The following WIZ variants were observed in gnomAD, a reference collection of about 807,000 sequenced individuals.
The protein encoded by WIZ is WIZ zinc finger.
Under a neutral mutation model 140.2 loss-of-function variants are expected in WIZ, and 25 were observed. The ratio of observed to expected loss-of-function variants is 0.18; its 90% CI spans 0.13 to 0.25. The LOEUF (loss-of-function observed/expected upper bound fraction) is 0.25. WIZ is among the 10% of genes least tolerant of loss of function. The pLI, the probability that WIZ is intolerant of heterozygous loss-of-function variation, is 1.00. For synonymous variants in WIZ, 1,125 were observed against 1,154.3 expected, an observed-to-expected ratio of 0.97 and a Z score of 0.51; for missense variants, 2,231 against 2,632.6, an observed-to-expected ratio of 0.85 and a Z score of 3.34.
At chr19:15,432,584 T>C (rs1969332951) in intron 5 of WIZ, 1 of 409,304 alleles carries the variant, frequency 2.4e-6, no homozygotes, top group Non-Finnish European at 3.2e-6. Context: ...GGGCCCGGGC[T>C]CGGGGGGCTG....
intron 2 of WIZ, among the ~76,000 whole-genome samples, chr19:15,447,620 G>T (rs896516910): frequency 1.2e-4 from 18 of 152,152 alleles, no homozygotes; most frequent in African/African-American, 4.1e-4. Context: ...ATACCTTTTT[G>T]CTGGGTAAAC....
Position 15,442,937 on chromosome 19 carries a change from C to T in WIZ, c.206-189G>A, listed in dbSNP as rs1466684486. ...GGTTTCTTTGGAAGAGTCCCCTTGG[C>T]TCTCCTGGGGGACCCCAGGGCCTTG... On this transcript the variant is annotated intron_variant, in intron 2 of 12. Coordinates refer to ENST00000673675, the MANE Select transcript of WIZ (RefSeq NM_001371589.1). This position sits in a 1 kb window ranked among gnomAD's most constrained non-coding sequence, Gnocchi z 5.5. Among the ~76,000 whole-genome samples the T allele has an allele frequency of 6.6e-6, 1 of 152,058 alleles. No homozygotes were observed. Among genetic ancestry groups the T allele is most frequent in the Admixed American group, 6.5e-5 (1 of 15,272 alleles).
rs1160774661 is a variant in WIZ at position 15,439,165 on chromosome 19, C to T, written c.1829G>A (p.Arg610Lys). 2.0e-6 allele frequency: 3 copies of T among 1,532,336 alleles called. No individual in the cohort carries two copies. The highest frequency in any genetic ancestry group is 2.6e-6 in the Non-Finnish European group (3 of 1,144,636). 94.9% of individuals were successfully genotyped at this position (1,532,336 alleles called of 1,614,324 possible). The change falls in exon 4 of 13, where the codon AGG becomes AAG. Residue 610 changes from arginine to lysine, a missense_variant. Physicochemically the swap from Arg to Lys is conservative, Grantham distance 26. Coordinates refer to ENST00000673675, the MANE Select transcript of WIZ (RefSeq NM_001371589.1). This position sits in a 1 kb window ranked among gnomAD's most constrained non-coding sequence, Gnocchi z 7.0. ...CTCCTCCTCTTCGCTCCAAGGGCGCCTCCGTTCCCCCAGCCCTTGTGGGTG... is the reference window on the plus strand; with the variant it reads ...CTCCTCCTCTTCGCTCCAAGGGCGCTTCCGTTCCCCCAGCCCTTGTGGGTG... Reference protein sequence around the residue: ...TVHPQGLGERRRPWSEEEEEE... With the variant: ...TVHPQGLGERKRPWSEEEEEE...
At chr19:15,431,977 C>T (rs536272064) in intron 5 of WIZ, among the ~76,000 whole-genome samples, 1 of 152,282 alleles carries the variant, frequency 6.6e-6, no homozygotes, top group South Asian at 2.1e-4. Flanking sequence ...CAAATGGGGC[C>T]TTGGAGGCGT....
Position 15,424,238 on chromosome 19 carries a change from G to A in WIZ, c.5455C>T (p.Pro1819Ser), listed in dbSNP as rs1370629960. The A allele has an allele frequency of 2.5e-6, 4 of 1,583,950 alleles. No homozygotes were observed. The highest frequency in any genetic ancestry group is 3.4e-6 in the Non-Finnish European group (4 of 1,167,944). Residue 1819 changes from proline to serine, a missense_variant, in exon 12 of 13, where the codon CCC becomes TCC. Physicochemically the swap from Pro to Ser is moderately conservative, Grantham distance 74. Coordinates refer to ENST00000673675, the MANE Select transcript of WIZ (RefSeq NM_001371589.1). The surrounding 1 kb of genome is among the most constrained non-coding windows in gnomAD (Gnocchi z 9.7). ...VRPVPSLVPRPPQTSLVKFVG... is the reference protein window; with the variant it reads ...VRPVPSLVPRSPQTSLVKFVG... The stretch of plus-strand genomic sequence containing the variant: ...AACTTGACAAGTGATGTCTGGGGGG[G>A]CCGGGGCACCAGGGAGGGGACTGGC...
At chr19:15,432,357 G>C (rs538798854) in intron 5 of WIZ, 17 of 846,470 alleles carry the variant, frequency 2.0e-5, no homozygotes, top group Non-Finnish European at 2.4e-5. Flanking sequence ...CTGGACGGAA[G>C]GCGTCGGGGG....
At chr19:15,426,689 C>T (rs1186143321) in intron 9 of WIZ, among the ~76,000 whole-genome samples, 1 of 152,222 alleles carries the variant, frequency 6.6e-6, no homozygotes, top group African/African-American at 2.4e-5. Context: ...CAGTCTTTCT[C>T]CCTAGGAGTC....
In WIZ at chr19:15,420,639, G is replaced by C. The variant is rs1197548867; in HGVS notation, c.*2437C>G. 1 of 152,248 alleles carries C rather than the reference G, an allele frequency of 6.6e-6. No individual in the cohort carries two copies. Among genetic ancestry groups the C allele is most frequent in the East Asian group, 1.9e-4 (1 of 5,198 alleles). The allele number at this position is 152,248 out of a possible 1,614,324, so 9.4% of individuals were successfully genotyped here. ...GGTGTATTGAAGTGGCTTGAGCAGA[G>C]AAGAGCAATGCTCAGAAAGTTTTAG... On this transcript the variant is annotated 3_prime_UTR_variant, in exon 13 of 13. Transcript: ENST00000673675.
chr19:15,430,472 C>T (rs570462443), intron 6 of WIZ, among the ~76,000 whole-genome samples: 1 of 152,344 alleles, frequency 6.6e-6, no homozygotes, highest in South Asian at 2.1e-4. Flanking sequence ...CCCTCTGTGG[C>T]TCAACTCCTG....
In WIZ at chr19:15,429,877, A is replaced by G; in HGVS notation, c.3124T>C (p.Ser1042Pro). ...GCCCCGGCGACCACCTCCTTCAGTG[A>G]GCTGGACTTCTTAGCCAGGCCTGGG... Reference protein sequence around the residue: ...LPPGLAKKSSSLKEVVAGAPR... With the variant: ...LPPGLAKKSSPLKEVVAGAPR... Residue 1042 changes from serine to proline, a missense_variant, in exon 7 of 13, where the codon TCA becomes CCA. Coordinates refer to ENST00000673675, the MANE Select transcript of WIZ (RefSeq NM_001371589.1). 1.3e-6 allele frequency: 2 copies of G among 1,535,330 alleles called. No homozygotes were observed. Among genetic ancestry groups the G allele is most frequent in the Non-Finnish European group, 1.7e-6 (2 of 1,146,456 alleles).
At position 15,439,226 on chromosome 19, in the gene WIZ, A is replaced by G. The variant is rs1321227392; in HGVS notation, c.1768T>C (p.Tyr590His). The G allele has an allele frequency of 1.3e-6, 2 of 1,535,532 alleles. No individual in the cohort carries two copies. The highest frequency in any genetic ancestry group is 1.7e-6 in the Non-Finnish European group (2 of 1,146,642). ...AFPSTLASTP[Y>H]SLQLGRNKST... ...TTGTTTCTCCCGAGCTGTAAGGAGT[A>G]GGGGGTGGATGCTAGTGTGGAGGGA... Residue 590 changes from tyrosine to histidine, a missense_variant, in exon 4 of 13, where the codon TAC becomes CAC. Tyr to His is a moderately conservative substitution (Grantham distance 83, BLOSUM62 2). Coordinates refer to ENST00000673675, the MANE Select transcript of WIZ (RefSeq NM_001371589.1). This position sits in a 1 kb window ranked among gnomAD's most constrained non-coding sequence, Gnocchi z 7.0.
In WIZ at chr19:15,440,133, C is replaced by G; in HGVS notation, c.861G>C (p.Gly287=). 2 of 1,533,226 alleles carry G rather than the reference C, an allele frequency of 1.3e-6. No individual in the cohort carries two copies. The highest frequency in any genetic ancestry group is 1.7e-6 in the Non-Finnish European group (2 of 1,145,530). The allele number at this position is 1,533,226 out of a possible 1,614,324, so 95.0% of individuals were successfully genotyped here. ...LQPLLPPIRT[G]PYLCELLEEV... is the part of the protein sequence containing the mutation. ...CCTCCAGCAGCTCACACAGGTAGGG[C>G]CCGGTCCGGATCGGGGGCAGTAGCG... Residue 287 remains glycine (G), a synonymous_variant, in exon 4 of 13, where the codon GGG becomes GGC. Transcript: ENST00000673675. The surrounding 1 kb of genome is among the most constrained non-coding windows in gnomAD (Gnocchi z 6.2).
intron 2 of WIZ, among the ~76,000 whole-genome samples, chr19:15,445,583 G>A (rs115227037): frequency 2.6e-5 from 4 of 152,176 alleles, no homozygotes; most frequent in African/African-American, 9.7e-5. Context: ...TTTCTCCCCA[G>A]GCTGGGGCCT....
Position 15,421,377 on chromosome 19 carries a change from G to A in WIZ, c.*1699C>T, listed in dbSNP as rs977692890. Reference sequence around the variant, plus strand: ...CCTGTTAATCCCTCCTTCCCAGGAAGGGGTATGGTGGGAGGGCCCAGAAAG... The same window carrying A: ...CCTGTTAATCCCTCCTTCCCAGGAAAGGGTATGGTGGGAGGGCCCAGAAAG... On this transcript the variant is annotated 3_prime_UTR_variant, in exon 13 of 13. Coordinates refer to ENST00000673675, the MANE Select transcript of WIZ (RefSeq NM_001371589.1). 2.0e-5 allele frequency: 3 copies of A among 152,276 alleles called. No homozygotes were observed. Among genetic ancestry groups the A allele is most frequent in the Non-Finnish European group, 4.4e-5 (3 of 68,046 alleles). The allele number at this position is 152,276 out of a possible 1,614,324, so 9.4% of individuals were successfully genotyped here.
intron 6 of WIZ, 87 bp downstream of exon 6, chr19:15,430,925 C>T (rs1969191728): frequency 2.8e-6 from 4 of 1,407,718 alleles, no homozygotes; most frequent in African/African-American, 1.4e-5. Context: ...AACCTTGGGC[C>T]CCACATTAAC....
rs1026182630 is a variant in WIZ, at chr19:15,422,385, G to A, written c.*691C>T. The stretch of plus-strand genomic sequence containing the variant: ...CACCCTCCAGGGCCCCAGAGCCCCT[G>A]AGGCTCTTTGGGGGGCCTTGACATG... On this transcript the variant is annotated 3_prime_UTR_variant, in exon 13 of 13. Transcript: ENST00000673675. 6.6e-6 allele frequency: 1 copy of A among 152,104 alleles called. No individual in the cohort carries two copies. Among genetic ancestry groups the A allele is most frequent in the African/African-American group, 2.4e-5 (1 of 41,414 alleles). 9.4% of individuals were successfully genotyped at this position (152,104 alleles called of 1,614,324 possible). A position where few individuals can be genotyped will look rare whatever the true frequency, so the allele number is the denominator to read the frequency against.
In WIZ at chr19:15,428,044, G is replaced by GA; in HGVS notation, c.3814+65dup. On this transcript the variant is annotated intron_variant, in intron 8 of 12. Transcript: ENST00000673675. This position sits in a 1 kb window ranked among gnomAD's most constrained non-coding sequence, Gnocchi z 6.4. ...CCTGCCCCAGCAGGGAGGGGGCTGT[G>GA]ACCCCCCCCCCGGGAGGGGCTCCAG... The GA allele has an allele frequency of 2.0e-6, 3 of 1,508,792 alleles. No individual in the cohort carries two copies. The highest frequency in any genetic ancestry group is 2.6e-6 in the Non-Finnish European group (3 of 1,133,054). The allele number at this position is 1,508,792 out of a possible 1,614,324, so 93.5% of individuals were successfully genotyped here.
intron 5 of WIZ, among the ~76,000 whole-genome samples, chr19:15,433,014 G>T (rs891289771): frequency 3.3e-5 from 5 of 152,094 alleles, no homozygotes; most frequent in Non-Finnish European, 7.4e-5. Flanking sequence ...CTATCCCTAG[G>T]ATGGGAATCT....
At position 15,420,482 on chromosome 19, in the gene WIZ, G is replaced by C. The variant is rs1359176277; in HGVS notation, c.*2594C>G. 1 of 152,214 alleles carries C rather than the reference G, an allele frequency of 6.6e-6. No individual in the cohort carries two copies. The highest frequency in any genetic ancestry group is 1.5e-5 in the Non-Finnish European group (1 of 68,050). The allele number at this position is 152,214 out of a possible 1,614,324, so 9.4% of individuals were successfully genotyped here. On this transcript the variant is annotated 3_prime_UTR_variant, in exon 13 of 13. Transcript: ENST00000673675. ...CTTCCAAACCAAGGCAGGGCCCCAG[G>C]ACACGTCTTCTGCGCCCTGCAGGTT...
Sources: gnomAD v4.1 joint callset for allele counts (sites outside exome capture counted in the v4.1 genomes callset) on GRCh38, gnomAD v4.1.1 for gene constraint, Gnocchi (gnomAD v3.1) non-coding constraint, MANE v1.5 for transcripts, NCBI Gene and HGNC (gene_info 2026-07-23, HGNC 2026-07-21) for gene names.